SIRT4: variants seen among roughly 807,000 people sequenced by gnomAD.
SIRT4 encodes the protein NAD-dependent protein lipoamidase sirtuin-4, mitochondrial.
SIRT4 carries 23 observed loss-of-function variants against 26.1 expected under a neutral mutation model. That is an observed-to-expected ratio of 0.88 (90% CI 0.63 to 1.25). The LOEUF (loss-of-function observed/expected upper bound fraction) is 1.25, where lower values mean the gene tolerates loss of function less well. Among genes scored for constraint, SIRT4 ranks in the 50% most tolerant of loss-of-function variants. SIRT4 has a pLI of 0.00. For missense variants in SIRT4, 361 were observed against 405.4 expected (o/e 0.89, Z 0.94); for synonymous variants, 155 against 158.4 (o/e 0.98, Z 0.16).
At chr12:120,294,139 G>T in the SIRT4 span, among the ~76,000 whole-genome samples, 1 of 150,334 alleles carries the variant, frequency 6.7e-6, no homozygotes. Context: ...AAGTAGCTGG[G>T]ATTACAGATG....
intron 1 of SIRT4, among the ~76,000 whole-genome samples, chr12:120,302,720 CTT>C (rs901345647): frequency 2.0e-4 from 28 of 136,774 alleles, no homozygotes; most frequent in Admixed American, 3.0e-4. Flanking sequence ...TTTTCTTTTT[CTT>C]TTTTTTTTTT....
At chr12:120,308,917 C>T (rs193261685) in intron 2 of SIRT4, among the ~76,000 whole-genome samples, 8 of 152,212 alleles carry the variant, frequency 5.3e-5, no homozygotes, top group Admixed American at 5.2e-4. Flanking sequence ...TGCCTGTCAT[C>T]TCAGCACTTT....
At chr12:120,311,081 G>A (rs1872948303) in intron 2 of SIRT4, among the ~76,000 whole-genome samples, 1 of 147,452 alleles carries the variant, frequency 6.8e-6, no homozygotes, top group Non-Finnish European at 1.5e-5. Flanking sequence ...AAAATAGGCC[G>A]GGCGCAGTGG....
Position 120,313,061 on chromosome 12 carries a change from G to T in SIRT4, c.*25G>T. Reference sequence around the variant, plus strand: ...ACCACAGCCTGATATTCCAGAACCTGGAACAGGGACTTTCACTTGAATCTT... The same window carrying T: ...ACCACAGCCTGATATTCCAGAACCTTGAACAGGGACTTTCACTTGAATCTT... On this transcript the variant is annotated 3_prime_UTR_variant, in exon 4 of 4. Transcript: ENST00000202967. The T allele has an allele frequency of 6.2e-7, 1 of 1,613,104 alleles. No individual in the cohort carries two copies. Among genetic ancestry groups the T allele is most frequent in the Non-Finnish European group, 8.5e-7 (1 of 1,179,524 alleles).
chr12:120,294,106 C>T, the SIRT4 span, among the ~76,000 whole-genome samples: 3 of 149,728 alleles, frequency 2.0e-5, no homozygotes, highest in Non-Finnish European at 4.4e-5. Context: ...CGGATTCAAG[C>T]GATTCTCCTG....
At chr12:120,305,877 T>A (rs1209324786) in intron 2 of SIRT4, among the ~76,000 whole-genome samples, 6 of 151,898 alleles carry the variant, frequency 4.0e-5, no homozygotes, top group Non-Finnish European at 1.5e-5. Flanking sequence ...CTGGGCGCGG[T>A]GGCGGACGCC....
the SIRT4 span, among the ~76,000 whole-genome samples, chr12:120,295,353 G>A: frequency 6.8e-6 from 1 of 147,068 alleles, no homozygotes; most frequent in East Asian, 2.0e-4. Context: ...TAGCTGGGAT[G>A]ACAGGTATGC....
the SIRT4 span, among the ~76,000 whole-genome samples, chr12:120,293,905 T>G: frequency 6.6e-6 from 1 of 152,172 alleles, no homozygotes; most frequent in Non-Finnish European, 1.5e-5. Flanking sequence ...TCAGTCTTAT[T>G]TCATTCAGAA....
In SIRT4 at chr12:120,303,130, A is replaced by G. The variant is rs186692499; in HGVS notation, c.-1-431A>G. On this transcript the variant is annotated intron_variant, in intron 1 of 3. Coordinates refer to ENST00000202967, the MANE Select transcript of SIRT4 (RefSeq NM_012240.3). ...GTAAACTAAAATAAGGGGGAAATGA[A>G]AAAATAAAAGGAATGCGTGTGTGTG... Among the ~76,000 whole-genome samples, 337 of 152,148 alleles carry G rather than the reference A, an allele frequency of 2.2e-3. 2 individuals are homozygous for G. The highest frequency in any genetic ancestry group is 7.7e-3 in the African/African-American group (321 of 41,556).
chr12:120,296,113 A>T, the SIRT4 span, among the ~76,000 whole-genome samples: 3 of 149,862 alleles, frequency 2.0e-5, no homozygotes, highest in African/African-American at 7.3e-5. Flanking sequence ...AAAAAAAAAA[A>T]GAAAGTAACA....
chr12:120,308,654 A>C (rs953198431), intron 2 of SIRT4, among the ~76,000 whole-genome samples: 2 of 152,174 alleles, frequency 1.3e-5, no homozygotes, highest in African/African-American at 4.8e-5. Flanking sequence ...GTTAGGCCCA[A>C]ATCATGGTTA....
chr12:120,293,112 T>A, the SIRT4 span: 4 of 152,118 alleles, frequency 2.6e-5, no homozygotes, highest in African/African-American at 9.7e-5. Context: ...GTAGAGACTG[T>A]CAAAAATTGC....
intron 2 of SIRT4, among the ~76,000 whole-genome samples, chr12:120,308,984 C>T (rs1485859480): frequency 6.6e-6 from 1 of 151,996 alleles, no homozygotes; most frequent in Non-Finnish European, 1.5e-5. Context: ...GCCTGACCAA[C>T]ATGGAGAAAC....
At position 120,302,387 on chromosome 12, in the gene SIRT4, GTTCTGTGTGTGCTGCGGAT is replaced by G. The variant is rs1437263121; in HGVS notation, c.-2+14_-2+32del. 4 of 152,312 alleles carry G rather than the reference GTTCTGTGTGTGCTGCGGAT, an allele frequency of 2.6e-5. No individual in the cohort carries two copies. The highest frequency in any genetic ancestry group is 9.7e-5 in the African/African-American group (4 of 41,448). The allele number at this position is 152,312 out of a possible 1,614,324, so 9.4% of individuals were successfully genotyped here. On this transcript the variant is annotated intron_variant, in intron 1 of 3. Coordinates refer to ENST00000202967, the MANE Select transcript of SIRT4 (RefSeq NM_012240.3). ...CCGTAGAGCTGTGAGAGGTAAGTGT[GTTCTGTGTGTGCTGCGGAT>G]TTCTAGAAGTTGTGGATTTCTTGTG...
At chr12:120,298,673 C>T (rs897016964), upstream of SIRT4, among the ~76,000 whole-genome samples, 1 of 151,358 alleles carries the variant, frequency 6.6e-6, no homozygotes, top group East Asian at 2.0e-4. Context: ...CTTTGGGAGG[C>T]TGAGGCGGGC....
the SIRT4 span, among the ~76,000 whole-genome samples, chr12:120,295,409 T>C: frequency 4.5e-5 from 6 of 134,382 alleles, no homozygotes; most frequent in African/African-American, 1.7e-4. Flanking sequence ...TATAAATATA[T>C]ATATAGATAA....
chr12:120,309,565 C>T (rs567564045), intron 2 of SIRT4, among the ~76,000 whole-genome samples: 1 of 151,884 alleles, frequency 6.6e-6, no homozygotes, highest in African/African-American at 2.4e-5. Flanking sequence ...GCATGCACCA[C>T]CATGCCCGGC....
At chr12:120,308,784 T>C (rs1872844537) in intron 2 of SIRT4, among the ~76,000 whole-genome samples, 1 of 152,012 alleles carries the variant, frequency 6.6e-6, no homozygotes, top group Non-Finnish European at 1.5e-5. Flanking sequence ...TAAACAGGAT[T>C]AAAAAGAGCA....
chr12:120,299,187 C>T (rs933309793), upstream of SIRT4, among the ~76,000 whole-genome samples: 1 of 150,674 alleles, frequency 6.6e-6, no homozygotes, highest in African/African-American at 2.4e-5. Flanking sequence ...CTCCACTACA[C>T]TCCAGCCTGG....
Sources: allele counts gnomAD v4.1 joint callset (sites outside exome capture counted in the v4.1 genomes callset), GRCh38; gene constraint gnomAD v4.1.1; transcripts MANE v1.5; gene names NCBI Gene and HGNC (gene_info 2026-07-23, HGNC 2026-07-21).